RCHY1: variants seen among roughly 807,000 people sequenced by gnomAD.
RCHY1 encodes the protein RING finger and CHY zinc finger domain-containing protein 1.
RCHY1 carries 21 observed loss-of-function variants against 41.6 expected under a neutral mutation model. That is an observed-to-expected ratio of 0.51 (90% confidence interval 0.36 to 0.73). The LOEUF is 0.73. RCHY1 is among the 30% of genes least tolerant of loss of function. The pLI is 0.00. For missense variants in RCHY1, 265 were observed against 325.3 expected (o/e 0.81, Z 1.43); for synonymous variants, 79 against 102.9 (o/e 0.77, Z 1.41).
At chr4:75,511,535 A>T (rs1026534817) in intron 1 of RCHY1, among the ~76,000 whole-genome samples, 5 of 152,214 alleles carry the variant, frequency 3.3e-5, no homozygotes, top group African/African-American at 9.6e-5. Flanking sequence ...AATTTGCACA[A>T]GAGCTTTTCC....
intron 3 of RCHY1, among the ~76,000 whole-genome samples, chr4:75,503,374 G>C (rs1426985409): frequency 1.3e-5 from 2 of 152,116 alleles, no homozygotes; most frequent in African/African-American, 4.8e-5. Context: ...TGAAAAAAAG[G>C]AATGAACAAT....
intron 1 of RCHY1, among the ~76,000 whole-genome samples, chr4:75,513,659 G>A (rs1725199508): frequency 1.3e-5 from 2 of 152,076 alleles, no homozygotes; most frequent in African/African-American, 4.8e-5. Context: ...ATGCTTATTA[G>A]GCACTTTCCT....
At chr4:75,509,500 G>A (rs745932336) in intron 1 of RCHY1, 11 of 491,444 alleles carry the variant, frequency 2.2e-5, no homozygotes, top group Admixed American at 6.8e-5. Context: ...ACATCACTAC[G>A]TCTGTATGAA....
chr4:75,488,408 G>T (rs1722446051), intron 8 of RCHY1, among the ~76,000 whole-genome samples: 1 of 152,082 alleles, frequency 6.6e-6, no homozygotes, highest in Non-Finnish European at 1.5e-5. Flanking sequence ...GGATGAAAAG[G>T]ACCCTGACAA....
In RCHY1 at chr4:75,486,839, C is replaced by A. The variant is rs576487020; in HGVS notation, c.657+3742G>T. Among the ~76,000 whole-genome samples the A allele has an allele frequency of 4.2e-4, 64 of 152,102 alleles. 1 individual carries two copies. In the South Asian group the frequency reaches 0.013, roughly 31 times the overall value. On this transcript the variant is annotated intron_variant, in intron 8 of 8. Transcript: ENST00000324439. ...ACTAAAAGTACAAAAATTAGCCAGG[C>A]GTAGTGGTGTGCGCTTGTAGTCCCA...
chr4:75,485,422 A>C (rs1429550252), intron 8 of RCHY1, among the ~76,000 whole-genome samples: 2 of 152,236 alleles, frequency 1.3e-5, no homozygotes, highest in Non-Finnish European at 2.9e-5. Context: ...ATATCTATAA[A>C]GGAAATTTAC....
At position 75,482,483 on chromosome 4, in the gene RCHY1, G is replaced by A. The variant is rs1721597875; in HGVS notation, c.*55C>T. The A allele has an allele frequency of 1.3e-6, 2 of 1,510,410 alleles. No homozygotes were observed. The highest frequency in any genetic ancestry group is 1.8e-6 in the Non-Finnish European group (2 of 1,123,102). The allele number at this position is 1,510,410 out of a possible 1,614,324, so 93.6% of individuals were successfully genotyped here. A position where few individuals can be genotyped will look rare whatever the true frequency, so the allele number is the denominator to read the frequency against. ...CGACACATGATAACACGATACCAAG[G>A]AAAGCCTTTTTCTATATCAGAAAAT... On this transcript the variant is annotated 3_prime_UTR_variant, in exon 9 of 9. Transcript: ENST00000324439.
At chr4:75,487,592 A>AATATATATTCATATATATTTATAAT (rs1722209959) in intron 8 of RCHY1, among the ~76,000 whole-genome samples, 1 of 55,560 alleles carries the variant, frequency 1.8e-5, no homozygotes, top group Non-Finnish European at 3.0e-5. Flanking sequence ...ATATATTCAT[A>AATATATATTCATATATATTTATAAT]ATATATATTC....
intron 3 of RCHY1, among the ~76,000 whole-genome samples, chr4:75,498,638 AT>A (rs985898076): frequency 7.2e-5 from 11 of 152,144 alleles, no homozygotes; most frequent in African/African-American, 2.2e-4. Context: ...AAATGTATGC[AT>A]TTACGGCTAA....
intron 1 of RCHY1, among the ~76,000 whole-genome samples, chr4:75,510,516 T>C (rs1370046780): frequency 1.3e-5 from 2 of 152,182 alleles, no homozygotes; most frequent in Non-Finnish European, 2.9e-5. Context: ...TCCTTAAAGA[T>C]TTTAACACTT....
In RCHY1 at chr4:75,497,485, C is replaced by T. The variant is rs145898066; in HGVS notation, c.327-3306G>A. ...TTTCTGTCACTTTCCTTTGTCTGTC[C>T]ATAAATCCTCTCTGACCACATGGCA... On this transcript the variant is annotated intron_variant, in intron 3 of 8. Transcript: ENST00000324439. Among the ~76,000 whole-genome samples the T allele has an allele frequency of 3.2e-4, 48 of 152,234 alleles. 1 individual carries two copies. In the East Asian group the frequency reaches 7.9e-3, roughly 25 times the overall value.
chr4:75,508,983 G>T, intron 2 of RCHY1, 48 bp from the exon 3 acceptor site: 1 of 1,364,460 alleles, frequency 7.3e-7, no homozygotes. Context: ...AACATTTTGA[G>T]TTACCATTTG....
intron 8 of RCHY1, 137 bp downstream of exon 8, chr4:75,490,442 TGC>T: frequency 1.8e-6 from 1 of 544,950 alleles, no homozygotes; most frequent in Non-Finnish European, 3.0e-6. Flanking sequence ...AATCATTTTG[TGC>T]TTTCCATTAA....
chr4:75,486,429 T>C (rs1578204266), intron 8 of RCHY1, among the ~76,000 whole-genome samples: 1 of 151,880 alleles, frequency 6.6e-6, no homozygotes, highest in East Asian at 1.9e-4. Context: ...ATCTTATTTT[T>C]ATATAGTATA....
intron 8 of RCHY1, among the ~76,000 whole-genome samples, chr4:75,487,567 T>TATTCATA (rs1722190052): frequency 1.9e-5 from 1 of 53,400 alleles, no homozygotes; most frequent in African/African-American, 7.3e-5. Context: ...ATATTCATAA[T>TATTCATA]ATATATATTC....
chr4:75,513,422 G>A (rs1212551552), intron 1 of RCHY1, among the ~76,000 whole-genome samples: 2 of 152,078 alleles, frequency 1.3e-5, no homozygotes, highest in Non-Finnish European at 2.9e-5. Flanking sequence ...TATGAAACAG[G>A]CGCGATCATC....
chr4:75,509,899 G>A (rs1724710448), intron 1 of RCHY1: 1 of 156,338 alleles, frequency 6.4e-6, no homozygotes, highest in Non-Finnish European at 1.4e-5. Context: ...CCAGTCTTGG[G>A]TATGTCTTTA....
intron 1 of RCHY1, chr4:75,513,889 A>G (rs2148791211): frequency 8.4e-6 from 2 of 239,320 alleles, no homozygotes; most frequent in South Asian, 2.4e-4. Context: ...AAACCCCAGT[A>G]CAGGCCCGGG....
chr4:75,509,371 CT>C, intron 1 of RCHY1, 75 bp from the exon 2 acceptor site: 1 of 1,394,582 alleles, frequency 7.2e-7, no homozygotes, highest in Non-Finnish European at 9.9e-7. Flanking sequence ...AAGAAAATTT[CT>C]TCCTCCTCCT....
Sources: allele counts gnomAD v4.1 joint callset (sites outside exome capture counted in the v4.1 genomes callset), GRCh38; gene constraint gnomAD v4.1.1; transcripts MANE v1.5; gene names NCBI Gene and HGNC (gene_info 2026-07-23, HGNC 2026-07-21).